PARM1: variants seen among roughly 807,000 people sequenced by gnomAD.
PARM1 encodes prostate androgen-regulated mucin-like protein 1, also known as WSC4, cell wall integrity and stress response component 4 homolog.
A neutral mutation model predicts 24.6 loss-of-function variants in PARM1; 14 were observed. The ratio of observed to expected loss-of-function variants is 0.57; its 90% CI spans 0.38 to 0.89. The LOEUF (loss-of-function observed/expected upper bound fraction) is 0.89. PARM1 is among the 40% of genes least tolerant of loss of function. PARM1 has a pLI of 0.00. For synonymous variants in PARM1, 179 were observed against 156.6 expected (o/e 1.14, Z -1.07); for missense variants, 362 against 380.4 (o/e 0.95, Z 0.40).
intron 3 of PARM1, among the ~76,000 whole-genome samples, chr4:75,038,194 C>T (rs140682729): frequency 2.1e-4 from 32 of 152,186 alleles, no homozygotes; most frequent in African/African-American, 7.0e-4. Context: ...GGATTACAGG[C>T]GTGGGCCACT....
chr4:74,935,099 TGGGC>T (rs1721152612), intron 1 of PARM1, among the ~76,000 whole-genome samples: 1 of 151,338 alleles, frequency 6.6e-6, no homozygotes, highest in African/African-American at 2.4e-5. Flanking sequence ...AGGAGACTGG[TGGGC>T]CAGGGACCGG....
intron 1 of PARM1, among the ~76,000 whole-genome samples, chr4:74,998,602 T>C (rs1330259453): frequency 6.6e-6 from 1 of 152,226 alleles, no homozygotes; most frequent in East Asian, 1.9e-4. Flanking sequence ...GAACACTTTT[T>C]GCAGAGGGTA....
chr4:75,008,848 C>T (rs768128200), intron 1 of PARM1, among the ~76,000 whole-genome samples: 11 of 152,018 alleles, frequency 7.2e-5, no homozygotes, highest in Non-Finnish European at 1.5e-4. Context: ...CTCTTTGACT[C>T]GACTAACAGA....
intron 1 of PARM1, among the ~76,000 whole-genome samples, chr4:74,976,449 C>A (rs1340951864): frequency 2.0e-5 from 3 of 152,156 alleles, no homozygotes; most frequent in African/African-American, 7.2e-5. Flanking sequence ...GAACTCTGAA[C>A]TCTCTGGGAT....
At chr4:74,948,218 A>T (rs1447595592) in intron 1 of PARM1, among the ~76,000 whole-genome samples, 1 of 152,198 alleles carries the variant, frequency 6.6e-6, no homozygotes, top group Admixed American at 6.5e-5. Context: ...GTATGAGCAC[A>T]TACATGGCAA....
chr4:74,997,214 C>G (rs1722590828), intron 1 of PARM1, among the ~76,000 whole-genome samples: 1 of 152,148 alleles, frequency 6.6e-6, no homozygotes, highest in Admixed American at 6.5e-5. Flanking sequence ...GTCTGGCTGG[C>G]AGGTAGTTTC....
At position 75,025,782 on chromosome 4, in the gene PARM1, T is replaced by C. The variant is rs947459627; in HGVS notation, c.770-8101T>C. ...AACTACAAGCTTTAGGTAGGTAACATCCTTTTAGATAAAAGTGAAGCCAGT... is the reference window on the plus strand; with the variant it reads ...AACTACAAGCTTTAGGTAGGTAACACCCTTTTAGATAAAAGTGAAGCCAGT... On this transcript the variant is annotated intron_variant, in intron 2 of 3. Transcript: ENST00000307428. Among the ~76,000 whole-genome samples the C allele has an allele frequency of 7.9e-5, 12 of 152,356 alleles. No individual in the cohort carries two copies. In the East Asian group the frequency reaches 1.3e-3, roughly 17 times the overall value.
At chr4:74,935,368 A>T (rs988581539) in intron 1 of PARM1, among the ~76,000 whole-genome samples, 1 of 152,238 alleles carries the variant, frequency 6.6e-6, no homozygotes, top group African/African-American at 2.4e-5. Context: ...GTCCGAAAAA[A>T]TAATATAAAA....
intron 1 of PARM1, among the ~76,000 whole-genome samples, chr4:74,934,417 A>G (rs1033870393): frequency 1.3e-5 from 2 of 152,128 alleles, no homozygotes; most frequent in Non-Finnish European, 2.9e-5. Flanking sequence ...TCGGGTTCCT[A>G]CAGTTGTGGA....
chr4:75,015,684 T>G (rs1722971651), intron 2 of PARM1, among the ~76,000 whole-genome samples: 1 of 152,180 alleles, frequency 6.6e-6, no homozygotes, highest in Non-Finnish European at 1.5e-5. Flanking sequence ...TTTGGGATGA[T>G]GTGATAGAAC....
intron 1 of PARM1, among the ~76,000 whole-genome samples, chr4:75,011,791 A>G (rs1364062661): frequency 6.6e-6 from 1 of 152,166 alleles, no homozygotes; most frequent in Non-Finnish European, 1.5e-5. Context: ...TCTAGCTTTT[A>G]TTCTGGGACC....
At chr4:74,967,614 C>A (rs1016038323) in intron 1 of PARM1, 1 of 152,052 alleles carries the variant, frequency 6.6e-6, no homozygotes, top group African/African-American at 2.4e-5. Flanking sequence ...TGTTTTGTTT[C>A]AGTTCCAAAA....
intron 2 of PARM1, among the ~76,000 whole-genome samples, chr4:75,017,747 G>A (rs1723014483): frequency 6.6e-6 from 1 of 152,178 alleles, no homozygotes; most frequent in Non-Finnish European, 1.5e-5. Flanking sequence ...GCTACACCCT[G>A]AACCCCTAGA....
At chr4:75,010,876 G>A (rs1311649181) in intron 1 of PARM1, among the ~76,000 whole-genome samples, 1 of 152,184 alleles carries the variant, frequency 6.6e-6, no homozygotes, top group Non-Finnish European at 1.5e-5. Flanking sequence ...CTGAGGCCGG[G>A]TAATTTATAA....
At chr4:74,992,723 A>G (rs1363365633) in intron 1 of PARM1, among the ~76,000 whole-genome samples, 11 of 152,170 alleles carry the variant, frequency 7.2e-5, no homozygotes, top group Non-Finnish European at 1.5e-5. Flanking sequence ...GAAAACAAAC[A>G]TTCAATTTAG....
At chr4:74,960,121 T>C (rs925942996) in intron 1 of PARM1, among the ~76,000 whole-genome samples, 2 of 152,212 alleles carry the variant, frequency 1.3e-5, no homozygotes, top group African/African-American at 2.4e-5. Context: ...AAAAGAATCC[T>C]ACAAAAACTG....
At chr4:74,982,777 T>G (rs1722282558) in intron 1 of PARM1, among the ~76,000 whole-genome samples, 1 of 152,224 alleles carries the variant, frequency 6.6e-6, no homozygotes, top group Non-Finnish European at 1.5e-5. Flanking sequence ...GCAATCTCCC[T>G]AGTGATATGC....
chr4:75,021,627 A>G (rs1723090651), intron 2 of PARM1, among the ~76,000 whole-genome samples: 2 of 151,920 alleles, frequency 1.3e-5, no homozygotes, highest in Admixed American at 6.6e-5. Flanking sequence ...TCCACCCTCA[A>G]CTAGGTCCCT....
chr4:74,941,904 C>T (rs1169774665), intron 1 of PARM1, among the ~76,000 whole-genome samples: 2 of 152,152 alleles, frequency 1.3e-5, no homozygotes, highest in Admixed American at 6.5e-5. Flanking sequence ...ACGAAGAGAA[C>T]CATAGCCCTG....
Sources: gnomAD v4.1 joint callset for allele counts (sites outside exome capture counted in the v4.1 genomes callset) on GRCh38, gnomAD v4.1.1 for gene constraint, MANE v1.5 for transcripts, NCBI Gene and HGNC (gene_info 2026-07-23, HGNC 2026-07-21) for gene names.